The following ORMDL1 variants were observed in gnomAD, a reference collection of about 807,000 sequenced individuals.
ORMDL1 encodes the protein ORMDL sphingolipid biosynthesis regulator 1, also known as ORM1-like protein 1.
In ORMDL1, 10 loss-of-function variants were observed where a neutral mutation model predicts 13.0. The ratio of observed to expected loss-of-function variants is 0.77; its 90% CI spans 0.47 to 1.30. The LOEUF (loss-of-function observed/expected upper bound fraction) is 1.30. Among genes scored for constraint, ORMDL1 ranks in the 50% most tolerant of loss-of-function variants. ORMDL1 has a pLI of 0.00. For synonymous variants in ORMDL1, 61 were observed against 63.9 expected (o/e 0.95, Z 0.22); for missense variants, 171 against 186.7 (o/e 0.92, Z 0.49).
In ORMDL1 at chr2:189,771,830, A is replaced by T; in HGVS notation, c.399T>A (p.Ser133Arg). The T allele has an allele frequency of 6.2e-7, 1 of 1,611,516 alleles. No individual in the cohort carries two copies. Among genetic ancestry groups the T allele is most frequent in the Non-Finnish European group, 8.5e-7 (1 of 1,178,102 alleles). Residue 133 changes from serine (S) to arginine (R), a missense_variant, in exon 5 of 5, where the codon AGT (serine) becomes AGA (arginine). Coordinates refer to ENST00000392349, the MANE Select transcript of ORMDL1 (RefSeq NM_016467.5). ...HFILNTASLL[S>R]VLIPKMPQLH... is the part of the protein sequence containing the mutation. ...GTTGTGGCATTTTGGGAATTAGTAC[A>T]CTCAGGAGAGAAGCTGTGTTTAGGA... is the stretch of plus-strand genomic sequence containing the variant.
At chr2:189,782,070 G>A (rs1263345490) in intron 3 of ORMDL1, among the ~76,000 whole-genome samples, 1 of 151,926 alleles carries the variant, frequency 6.6e-6, no homozygotes. Context: ...AGCCTCCCGA[G>A]TAGCTGGGAC....
intron 4 of ORMDL1, chr2:189,775,252 A>G (rs895022222): frequency 2.0e-5 from 4 of 196,952 alleles, no homozygotes; most frequent in Non-Finnish European, 1.0e-5. Flanking sequence ...TGCAATATAG[A>G]ATATGATTAT....
intron 3 of ORMDL1, among the ~76,000 whole-genome samples, chr2:189,779,671 T>C (rs1459250238): frequency 6.6e-6 from 1 of 152,172 alleles, no homozygotes; most frequent in Non-Finnish European, 1.5e-5. Flanking sequence ...TGAGCAAACA[T>C]GCATTTTTAA....
At chr2:189,764,647 A>G in the ORMDL1 span, among the ~76,000 whole-genome samples, 1 of 152,310 alleles carries the variant, frequency 6.6e-6, no homozygotes, top group Admixed American at 6.5e-5. Context: ...TTTTATGCAG[A>G]TAGTTAGAAT....
chr2:189,775,416 A>C (rs192511523), intron 4 of ORMDL1, 149 bp downstream of exon 4: 1 of 813,112 alleles, frequency 1.2e-6, no homozygotes, highest in Admixed American at 3.2e-5. Flanking sequence ...ACTTGTTAAA[A>C]ATTTTGTCTA....
intron 3 of ORMDL1, among the ~76,000 whole-genome samples, chr2:189,780,258 G>A (rs993418320): frequency 2.6e-5 from 4 of 152,128 alleles, no homozygotes; most frequent in Admixed American, 6.5e-5. Flanking sequence ...GGAATTTTCC[G>A]CTTGTGGCAC....
At position 189,771,773 on chromosome 2, in the gene ORMDL1, C is replaced by T. The variant is rs1175086225; in HGVS notation, c.456G>A (p.Lys152=). The T allele has an allele frequency of 1.9e-6, 3 of 1,589,332 alleles. No homozygotes were observed. Among genetic ancestry groups the T allele is most frequent in the Non-Finnish European group, 1.7e-6 (2 of 1,172,924 alleles). The change falls in exon 5 of 5, where the codon AAG becomes AAA. Residue 152 remains lysine, a synonymous_variant. Coordinates refer to ENST00000392349, the MANE Select transcript of ORMDL1 (RefSeq NM_016467.5). ...TTTTCAGTTTCAAAACATTTCAATA[C>T]TTATTAATTCCAAAGATCCGAACAC... ...LHGVRIFGIN[K]Y
chr2:189,767,323 T>C (rs992703733), downstream of ORMDL1, among the ~76,000 whole-genome samples: 2 of 152,230 alleles, frequency 1.3e-5, no homozygotes, highest in Non-Finnish European at 2.9e-5. Context: ...GAGAGACAAA[T>C]GTTTCAAAGG....
Position 189,782,367 on chromosome 2 carries a change from C to T in ORMDL1, c.174+55G>A, listed in dbSNP as rs896742442. The T allele has an allele frequency of 3.7e-5, 54 of 1,474,422 alleles. No individual in the cohort carries two copies. The East Asian group carries it at 7.9e-4, about 22-fold the overall frequency. The allele number at this position is 1,474,422 out of a possible 1,614,324, so 91.3% of individuals were successfully genotyped here. A position where few individuals can be genotyped will look rare whatever the true frequency, so the allele number is the denominator to read the frequency against. ...TCCATTCCTTCCTCCCCTTAATTTC[C>T]GGCAACCACTAAACTTAAAACTTTT... On this transcript the variant is annotated intron_variant, in intron 3 of 4. Coordinates refer to ENST00000392349, the MANE Select transcript of ORMDL1 (RefSeq NM_016467.5).
In ORMDL1 at chr2:189,783,031, T is replaced by C. The variant is rs569009521; in HGVS notation, c.-25A>G. The C allele has an allele frequency of 6.2e-6, 1 of 161,952 alleles. No individual in the cohort carries two copies. 10.0% of individuals were successfully genotyped at this position (161,952 alleles called of 1,614,324 possible). Reference sequence around the variant, plus strand: ...GAACTCACCGAGCCAGTGTGTCAAGTAGTCAGACTCTTATATTTGACTTAA... The same window carrying C: ...GAACTCACCGAGCCAGTGTGTCAAGCAGTCAGACTCTTATATTTGACTTAA... On this transcript the variant is annotated 5_prime_UTR_variant, in exon 2 of 5. Coordinates refer to ENST00000392349, the MANE Select transcript of ORMDL1 (RefSeq NM_016467.5).
At chr2:189,775,529 C>A in intron 4 of ORMDL1, 36 bp downstream of exon 4, 1 of 1,528,580 alleles carries the variant, frequency 6.5e-7, no homozygotes, top group Non-Finnish European at 8.8e-7. Context: ...TCCTCTTATC[C>A]AATCCTCCTC....
downstream of ORMDL1, among the ~76,000 whole-genome samples, chr2:189,767,477 G>A (rs368584504): frequency 5.9e-5 from 9 of 152,096 alleles, no homozygotes; most frequent in African/African-American, 1.9e-4. Flanking sequence ...TGAAAACTCC[G>A]GGGTTTTCAA....
At chr2:189,777,851 G>C (rs1286731081) in intron 3 of ORMDL1, among the ~76,000 whole-genome samples, 1 of 152,166 alleles carries the variant, frequency 6.6e-6, no homozygotes, top group Non-Finnish European at 1.5e-5. Flanking sequence ...TTCTAACCGG[G>C]TGTAACAATT....
At chr2:189,772,377 A>G (rs16832002) in intron 4 of ORMDL1, among the ~76,000 whole-genome samples, 1,631 of 152,326 alleles carry the variant, frequency 0.011, 29 homozygotes, top group African/African-American at 0.037. Context: ...AAGGAAATAA[A>G]TATTTGGTTG....
At position 189,771,698 on chromosome 2, in the gene ORMDL1, G is replaced by C. The variant is rs1294848584; in HGVS notation, c.*69C>G. 3 of 1,363,192 alleles carry C rather than the reference G, an allele frequency of 2.2e-6. No homozygotes were observed. The highest frequency in any genetic ancestry group is 2.4e-5 in the East Asian group (1 of 41,116). The allele number at this position is 1,363,192 out of a possible 1,614,324, so 84.4% of individuals were successfully genotyped here. On this transcript the variant is annotated 3_prime_UTR_variant, in exon 5 of 5. Coordinates refer to ENST00000392349, the MANE Select transcript of ORMDL1 (RefSeq NM_016467.5). ...TTCACATTATCACAGAAACAGTGCA[G>C]TTTACTAACCACTCCTTCCTTATAA...
downstream of ORMDL1, among the ~76,000 whole-genome samples, chr2:189,769,824 G>A (rs1027811179): frequency 1.3e-5 from 2 of 152,096 alleles, no homozygotes; most frequent in Admixed American, 6.6e-5. Context: ...AGTAATTGCT[G>A]CAAGAAAGAT....
rs2047881333 is a variant in ORMDL1, at chr2:189,782,555, G to C, written c.41C>G (p.Thr14Ser). 1.9e-6 allele frequency: 3 copies of C among 1,614,158 alleles called. No individual in the cohort carries two copies. The highest frequency in any genetic ancestry group is 4.5e-5 in the East Asian group (2 of 44,878). The change falls in exon 3 of 5, where the codon ACC (threonine) becomes AGC (serine). Residue 14 changes from threonine (T) to serine (S), a missense_variant. Thr to Ser is a moderately conservative substitution (Grantham distance 58). Coordinates refer to ENST00000392349, the MANE Select transcript of ORMDL1 (RefSeq NM_016467.5). ...CATACCCCGGCTGTTCATGACACGG[G>C]TATTTGGATTCACTTCACTGTGGGC... ...GVAHSEVNPN[T>S]RVMNSRGMWL...
In ORMDL1 at chr2:189,775,527, T is replaced by A. The variant is rs2289406; in HGVS notation, c.326+38A>T. ...CTGATGAAAAGATATCTTCCTCTTA[T>A]CCAATCCTCCTCATACCTAAAAATT... On this transcript the variant is annotated intron_variant, in intron 4 of 4. Coordinates refer to ENST00000392349, the MANE Select transcript of ORMDL1 (RefSeq NM_016467.5). 6.5e-6 allele frequency: 10 copies of A among 1,530,194 alleles called. No homozygotes were observed. The South Asian group carries it at 1.3e-4, about 19-fold the overall frequency. The allele number at this position is 1,530,194 out of a possible 1,614,324, so 94.8% of individuals were successfully genotyped here. A position where few individuals can be genotyped will look rare whatever the true frequency, so the allele number is the denominator to read the frequency against.
intron 3 of ORMDL1, among the ~76,000 whole-genome samples, chr2:189,777,006 G>T (rs2047711734): frequency 6.6e-6 from 1 of 152,134 alleles, no homozygotes; most frequent in Non-Finnish European, 1.5e-5. Context: ...TTGTTGCTGT[G>T]CCAAAAGTCT....
Sources: gnomAD v4.1 joint callset for allele counts (sites outside exome capture counted in the v4.1 genomes callset) on GRCh38, gnomAD v4.1.1 for gene constraint, MANE v1.5 for transcripts, NCBI Gene and HGNC (gene_info 2026-07-23, HGNC 2026-07-21) for gene names.